TP53BP2: variants seen among roughly 807,000 people sequenced by gnomAD.
TP53BP2 encodes tumor protein p53 binding protein 2.
Under a neutral mutation model 126.2 loss-of-function variants are expected in TP53BP2, and 62 were observed. That is an observed-to-expected ratio of 0.49 (90% CI 0.40 to 0.61). TP53BP2 has a LOEUF of 0.61. TP53BP2 is among the 20% of genes least tolerant of loss of function. TP53BP2 has a pLI of 0.00. For missense variants in TP53BP2, 1,215 were observed against 1,402.8 expected, an observed-to-expected ratio of 0.87 and a Z score of 2.14; for synonymous variants, 485 against 502.9, an observed-to-expected ratio of 0.96 and a Z score of 0.48.
chr1:223,784,010 A>G (rs1002038989), intron 17 of TP53BP2, 105 bp downstream of exon 17: 22 of 954,768 alleles, frequency 2.3e-5, no homozygotes, highest in Non-Finnish European at 3.7e-5. Flanking sequence ...TCCATGTCTT[A>G]TTAACAAAGG....
chr1:223,834,437 G>C (rs1032407471), intron 1 of TP53BP2, among the ~76,000 whole-genome samples: 1 of 152,288 alleles, frequency 6.6e-6, no homozygotes, highest in Non-Finnish European at 1.5e-5. Context: ...AAATAATGTA[G>C]AGTATTAATT....
rs1664100541 is a variant in TP53BP2 at position 223,841,420 on chromosome 1, T to C, written c.27+4234A>G. Among the ~76,000 whole-genome samples the C allele has an allele frequency of 4.6e-5, 7 of 152,296 alleles. No individual in the cohort carries two copies. In the South Asian group the frequency reaches 1.4e-3, roughly 32 times the overall value. ...TGATCTAAGCTAATTTGCTACACTA[T>C]TACTCAAGCAAAAAGAATTCTTTCA... is the stretch of plus-strand genomic sequence containing the variant. On this transcript the variant is annotated intron_variant, in intron 1 of 17. Transcript: ENST00000343537.
Position 223,798,583 on chromosome 1 carries a change from G to A in TP53BP2, c.1580C>T (p.Pro527Leu), listed in dbSNP as rs552156747. The change falls in exon 12 of 18, where the codon CCT becomes CTT. Residue 527 changes from proline (P) to leucine (L), a missense_variant. By Grantham distance (98) the Pro-to-Leu change is moderately conservative. Transcript: ENST00000343537. ...LPYFGQTNQP[P>L]SDIKPDGSSQ... ...ACTTCCGTCTGGCTTAATGTCTGAA[G>A]GTGGCTGATTAGTTTGTCCAAAATA... The A allele has an allele frequency of 7.4e-6, 12 of 1,614,168 alleles. No individual in the cohort carries two copies. In the African/African-American group the frequency reaches 1.5e-4, roughly 20 times the overall value.
chr1:223,804,485 A>G, intron 5 of TP53BP2, 137 bp from the exon 6 acceptor site: 1 of 742,582 alleles, frequency 1.3e-6, no homozygotes, highest in Non-Finnish European at 2.2e-6. Flanking sequence ...TTCTTCCTAA[A>G]CACTGCCATC....
At chr1:223,831,119 C>G (rs1663689361) in intron 1 of TP53BP2, among the ~76,000 whole-genome samples, 1 of 151,152 alleles carries the variant, frequency 6.6e-6, no homozygotes, top group South Asian at 2.1e-4. Flanking sequence ...AGGGTGGCTC[C>G]TGCCTGTAAT....
Position 223,796,289 on chromosome 1 carries a change from A to G in TP53BP2, c.2250T>C (p.Pro750=), listed in dbSNP as rs766498529. The stretch of plus-strand genomic sequence containing the variant: ...AAAGCTTCTGAATATTTGGCCCATT[A>G]GGACCCTCTGGCTCTGTAATAGAAC... ...KRSSITEPEG[P]NGPNIQKLLY... is the part of the protein sequence containing the mutation. Residue 750 remains proline, a synonymous_variant, in exon 13 of 18, where the codon CCT becomes CCC. Transcript: ENST00000343537. This position sits in a 1 kb window ranked among gnomAD's most constrained non-coding sequence, Gnocchi z 4.2. 1 of 1,614,164 alleles carries G rather than the reference A, an allele frequency of 6.2e-7. No individual in the cohort carries two copies. The highest frequency in any genetic ancestry group is 1.7e-5 in the Admixed American group (1 of 60,024).
intron 2 of TP53BP2, among the ~76,000 whole-genome samples, chr1:223,818,646 C>T (rs557994419): frequency 6.6e-6 from 1 of 151,076 alleles, no homozygotes; most frequent in Non-Finnish European, 1.5e-5. Context: ...GCGATCTCAG[C>T]TCATTGCAAC....
chr1:223,814,432 C>A lies in TP53BP2; in HGVS notation c.176-79G>T, dbSNP rs542924630. 3 of 1,015,218 alleles carry A rather than the reference C, an allele frequency of 3.0e-6. No homozygotes were observed. The East Asian group carries it at 7.2e-5, about 25-fold the overall frequency. 62.9% of individuals were successfully genotyped at this position (1,015,218 alleles called of 1,614,324 possible). ...TATCATTCACCATCTATCCTTCATG[C>A]AAATTATACATTATGGATACAACAA... On this transcript the variant is annotated intron_variant, in intron 2 of 17. Coordinates refer to ENST00000343537, the MANE Select transcript of TP53BP2 (RefSeq NM_001031685.3).
Position 223,824,461 on chromosome 1 carries a change from C to T in TP53BP2, c.28-3094G>A, listed in dbSNP as rs111642341. Among the ~76,000 whole-genome samples the T allele has an allele frequency of 3.6e-3, 544 of 152,256 alleles. 2 individuals are homozygous for T. The highest frequency in any genetic ancestry group is 5.3e-3 in the Non-Finnish European group (361 of 68,026). On this transcript the variant is annotated intron_variant, in intron 1 of 17. Transcript: ENST00000343537. ...AGTCCGCGATGCTGGGCCAGCAACACGCTATTTTTGTCGATTCCCAGGCAG... is the reference window on the plus strand; with the variant it reads ...AGTCCGCGATGCTGGGCCAGCAACATGCTATTTTTGTCGATTCCCAGGCAG...
chr1:223,833,785 T>C (rs1179378407), intron 1 of TP53BP2, among the ~76,000 whole-genome samples: 2 of 152,208 alleles, frequency 1.3e-5, no homozygotes, highest in African/African-American at 2.4e-5. Context: ...ACTTACTAAA[T>C]ACCTATTAAG....
chr1:223,828,634 G>A (rs1476525712), intron 1 of TP53BP2, among the ~76,000 whole-genome samples: 2 of 152,114 alleles, frequency 1.3e-5, no homozygotes, highest in African/African-American at 4.8e-5. Flanking sequence ...ATATTAGAAT[G>A]GAATATTATT....
chr1:223,799,691 A>G (rs2102849718), intron 11 of TP53BP2, among the ~76,000 whole-genome samples: 1 of 152,332 alleles, frequency 6.6e-6, no homozygotes, highest in South Asian at 2.1e-4. Context: ...ATGACCCAAA[A>G]CAAGCATGTC....
chr1:223,814,960 G>A (rs895433637), intron 2 of TP53BP2, among the ~76,000 whole-genome samples: 4 of 151,922 alleles, frequency 2.6e-5, no homozygotes, highest in Non-Finnish European at 2.9e-5. Flanking sequence ...ACAAAAAGAA[G>A]GGCACACCTA....
chr1:223,798,489 T>G lies in TP53BP2; in HGVS notation c.1674A>C (p.Arg558Ser), dbSNP rs1403214524. Reference protein sequence around the residue: ...TKPKPAGQQPRVLLSPSIPSV... With the variant: ...TKPKPAGQQPSVLLSPSIPSV... ...AAGGTATGCTGGGAGATAGCAGCACTCTCGGCTGCTGCCCTGCTGGTTTTG... is the reference window on the plus strand; with the variant it reads ...AAGGTATGCTGGGAGATAGCAGCACGCTCGGCTGCTGCCCTGCTGGTTTTG... Residue 558 changes from arginine to serine, a missense_variant, in exon 12 of 18, where the codon AGA becomes AGC. Arg to Ser is a moderately radical substitution (Grantham distance 110). Around this residue, in one of 4 missense-constraint regions of TP53BP2, gnomAD observed 814 missense variants for 853.0 expected, o/e 0.95. Transcript: ENST00000343537. 1 of 1,614,178 alleles carries G rather than the reference T, an allele frequency of 6.2e-7. No individual in the cohort carries two copies. The highest frequency in any genetic ancestry group is 8.5e-7 in the Non-Finnish European group (1 of 1,180,028).
Position 223,814,231 on chromosome 1 carries a change from A to G in TP53BP2, c.289+9T>C, listed in dbSNP as rs1229231386. 3 of 1,598,844 alleles carry G rather than the reference A, an allele frequency of 1.9e-6. No individual in the cohort carries two copies. The highest frequency in any genetic ancestry group is 4.5e-5 in the East Asian group (2 of 44,788). The stretch of plus-strand genomic sequence containing the variant: ...AAATATCTGTCACGATTCACAGAGC[A>G]CTACCTACCAATGTCCCTGCCAGGG... On this transcript the variant is annotated intron_variant, in intron 3 of 17. Coordinates refer to ENST00000343537, the MANE Select transcript of TP53BP2 (RefSeq NM_001031685.3).
At chr1:223,795,710 A>C in intron 13 of TP53BP2, 105 bp downstream of exon 13, 1 of 1,034,586 alleles carries the variant, frequency 9.7e-7, no homozygotes, top group Non-Finnish European at 1.3e-6. Flanking sequence ...TGCCAAGGGA[A>C]TCGTAAAATA....
intron 4 of TP53BP2, among the ~76,000 whole-genome samples, 165 bp downstream of exon 4, chr1:223,810,266 T>C (rs866173554): frequency 2.0e-4 from 31 of 152,260 alleles, no homozygotes; most frequent in Admixed American, 5.2e-4. Context: ...GTCAGCCATA[T>C]ACAGATCATT....
At chr1:223,821,063 T>G in intron 2 of TP53BP2, 157 bp downstream of exon 2, 1 of 871,492 alleles carries the variant, frequency 1.1e-6, no homozygotes, top group Non-Finnish European at 1.7e-6. Flanking sequence ...ACTTCATGTA[T>G]CATACCAAAG....
At chr1:223,786,314 TCCAAACAATGTCAGGGACAGTGGTTA>T (rs1457283835) in intron 16 of TP53BP2, among the ~76,000 whole-genome samples, 1 of 152,152 alleles carries the variant, frequency 6.6e-6, no homozygotes, top group East Asian at 1.9e-4. Flanking sequence ...GGGAGGGGCA[TCCAAACAATGTCAGGGACAGTGGTTA>T]TGTTCTGTCT....
Sources: gnomAD v4.1 joint callset for allele counts (sites outside exome capture counted in the v4.1 genomes callset) on GRCh38, gnomAD v4.1.1 for gene constraint, gnomAD v4.1.1 regional missense constraint, Gnocchi (gnomAD v3.1) non-coding constraint, MANE v1.5 for transcripts, NCBI Gene and HGNC (gene_info 2026-07-23, HGNC 2026-07-21) for gene names.